ARID3A: variants seen among roughly 807,000 people sequenced by gnomAD.
ARID3A encodes AT-rich interactive domain-containing protein 3A.
In ARID3A, 11 loss-of-function variants were observed where a neutral mutation model predicts 52.7. The observed-to-expected ratio is 0.21, with a 90% confidence interval of 0.13 to 0.35. ARID3A has a LOEUF of 0.35. Ranked by LOEUF, ARID3A falls within the 10% of genes least tolerant of loss-of-function variation. The probability of loss-of-function intolerance (pLI) is 1.00; values close to 1 mark genes in which losing one functional copy is unlikely to be tolerated. For synonymous variants in ARID3A, 404 were observed against 359.4 expected (o/e 1.12, Z -1.40); for missense variants, 721 against 838.5 (o/e 0.86, Z 1.73).
upstream of ARID3A, chr19:925,743 T>C (rs553816665): frequency 2.0e-5 from 3 of 152,010 alleles, no homozygotes; most frequent in East Asian, 5.9e-4. Context: ...TTATTTATTA[T>C]CCTTTAAAGG....
In ARID3A at chr19:973,410, G is replaced by C. The variant is rs529333545; in HGVS notation, c.*1345G>C. On this transcript the variant is annotated 3_prime_UTR_variant, in exon 9 of 9. Coordinates refer to ENST00000263620, the MANE Select transcript of ARID3A (RefSeq NM_005224.3). The stretch of plus-strand genomic sequence containing the variant: ...ATTACAGGCATGAGCCGCCACGCTG[G>C]CCCGGTCTGGAAATCTTATCTAAAA... The C allele has an allele frequency of 2.1e-4, 40 of 193,556 alleles. No homozygotes were observed. Among genetic ancestry groups the C allele is most frequent in the African/African-American group, 9.0e-4 (39 of 43,166 alleles). The allele number at this position is 193,556 out of a possible 1,614,324, so 12.0% of individuals were successfully genotyped here. A position where few individuals can be genotyped will look rare whatever the true frequency, so the allele number is the denominator to read the frequency against.
At position 974,754 on chromosome 19, in the gene ARID3A, A is replaced by C; in HGVS notation, c.*2689A>C. 8.8e-6 allele frequency: 2 copies of C among 227,050 alleles called. No individual in the cohort carries two copies. Among genetic ancestry groups the C allele is most frequent in the East Asian group, 6.2e-5 (1 of 16,002 alleles). 14.1% of individuals were successfully genotyped at this position (227,050 alleles called of 1,614,324 possible). On this transcript the variant is annotated 3_prime_UTR_variant, in exon 9 of 9. Coordinates refer to ENST00000263620, the MANE Select transcript of ARID3A (RefSeq NM_005224.3). ...CTCGGGCTGCGTGTGTGTGTCGGGA[A>C]TCCTGCGTGTCGTGTCTGTGGGCGA... is the stretch of plus-strand genomic sequence containing the variant.
chr19:932,829 T>C, intron 3 of ARID3A, 87 bp downstream of exon 3: 1 of 1,510,346 alleles, frequency 6.6e-7, no homozygotes, highest in Non-Finnish European at 8.8e-7. Flanking sequence ...ACGGGGTGTG[T>C]GCTGAGCCGG....
intron 8 of ARID3A, among the ~76,000 whole-genome samples, chr19:970,845 A>G (rs2038264174): frequency 6.6e-6 from 1 of 152,090 alleles, no homozygotes. Flanking sequence ...CGCTGTCGAC[A>G]CAGAGCAGCC....
chr19:966,380 C>T (rs2038153786), intron 6 of ARID3A, among the ~76,000 whole-genome samples, 192 bp from the exon 7 acceptor site: 1 of 150,882 alleles, frequency 6.6e-6, no homozygotes, highest in African/African-American at 2.4e-5. Flanking sequence ...ATCACTTGAA[C>T]CCGGGAGGCA....
rs1281327391 is a variant in ARID3A at position 975,434 on chromosome 19, T to C, written c.*3369T>C. 4.3e-6 allele frequency: 1 copy of C among 230,916 alleles called. No homozygotes were observed. The highest frequency in any genetic ancestry group is 8.6e-6 in the Non-Finnish European group (1 of 116,574). The allele number at this position is 230,916 out of a possible 1,614,324, so 14.3% of individuals were successfully genotyped here. A position where few individuals can be genotyped will look rare whatever the true frequency, so the allele number is the denominator to read the frequency against. The stretch of plus-strand genomic sequence containing the variant: ...CAGTTGAATTTCCTTTCTCTTATCA[T>C]GTTTTACCCACCTTGTCCCTTTTTT... On this transcript the variant is annotated 3_prime_UTR_variant, in exon 9 of 9. Transcript: ENST00000263620.
chr19:968,577 G>T, intron 8 of ARID3A, 74 bp downstream of exon 8: 2 of 1,428,432 alleles, frequency 1.4e-6, no homozygotes, highest in Non-Finnish European at 2.0e-6. Flanking sequence ...CCTGAGTTGC[G>T]CCTGGTCCCA....
intron 3 of ARID3A, among the ~76,000 whole-genome samples, chr19:937,503 A>T (rs2037461180): frequency 1.3e-5 from 2 of 151,922 alleles, no homozygotes; most frequent in Admixed American, 1.3e-4. Context: ...AGTGCTGTAC[A>T]CGTTTTTATG....
chr19:970,771 C>T (rs918618349), intron 8 of ARID3A, among the ~76,000 whole-genome samples: 2 of 151,908 alleles, frequency 1.3e-5, no homozygotes, highest in South Asian at 2.1e-4. Flanking sequence ...CCACACCCGG[C>T]GGTAAATGAA....
At position 938,090 on chromosome 19, in the gene ARID3A, C is replaced by G. The variant is rs193054243; in HGVS notation, c.693+5348C>G. On this transcript the variant is annotated intron_variant, in intron 3 of 8. Transcript: ENST00000263620. This position sits in a 1 kb window ranked among gnomAD's most constrained non-coding sequence, Gnocchi z 4.0. ...AACTCCCAACCTCAGGTGATCCTCA[C>G]ACCTCAGCGTCCCAGAGTGCTGGGA... Among the ~76,000 whole-genome samples, 252 of 152,192 alleles carry G rather than the reference C, an allele frequency of 1.7e-3. No homozygotes were observed. The highest frequency in any genetic ancestry group is 5.5e-3 in the African/African-American group (230 of 41,512).
In ARID3A at chr19:947,964, C is replaced by T. The variant is rs552287590; in HGVS notation, c.694-12128C>T. Among the ~76,000 whole-genome samples, 41 of 152,190 alleles carry T rather than the reference C, an allele frequency of 2.7e-4. No individual in the cohort carries two copies. Among genetic ancestry groups the T allele is most frequent in the Non-Finnish European group, 5.1e-4 (35 of 68,022 alleles). The stretch of plus-strand genomic sequence containing the variant: ...GGCTTAGGCAGGCGGGGGAGCCCCC[C>T]GGCTGGTCAGGTGCACGAGGAGCAA... On this transcript the variant is annotated intron_variant, in intron 3 of 8. Coordinates refer to ENST00000263620, the MANE Select transcript of ARID3A (RefSeq NM_005224.3). The surrounding 1 kb of genome is among the most constrained non-coding windows in gnomAD (Gnocchi z 6.3).
chr19:955,002 T>G (rs952860961), intron 3 of ARID3A, among the ~76,000 whole-genome samples: 1 of 152,154 alleles, frequency 6.6e-6, no homozygotes, highest in Non-Finnish European at 1.5e-5. Flanking sequence ...ATCTCCAGCC[T>G]GGGTTTAGGG....
At chr19:936,204 T>TA (rs1283294722) in intron 3 of ARID3A, among the ~76,000 whole-genome samples, 1 of 152,244 alleles carries the variant, frequency 6.6e-6, no homozygotes, top group Non-Finnish European at 1.5e-5. Flanking sequence ...AGATGAATCT[T>TA]AAAAAACAGC....
chr19:934,684 C>T (rs773661257), intron 3 of ARID3A, among the ~76,000 whole-genome samples: 1 of 151,838 alleles, frequency 6.6e-6, no homozygotes, highest in African/African-American at 2.4e-5. Context: ...CTGGGTCTTG[C>T]GGGAGACGGG....
chr19:945,354 C>T (rs1166753528), intron 3 of ARID3A, among the ~76,000 whole-genome samples: 1 of 152,208 alleles, frequency 6.6e-6, no homozygotes, highest in Admixed American at 6.5e-5. Context: ...TCCTGTAACT[C>T]CTGTAGAGAG....
At chr19:943,722 G>T (rs569307784) in intron 3 of ARID3A, among the ~76,000 whole-genome samples, 5 of 152,336 alleles carry the variant, frequency 3.3e-5, no homozygotes, top group Non-Finnish European at 7.3e-5. Context: ...ACCCTCCCCT[G>T]GAGCCCCAGT....
At chr19:953,982 A>C (rs940251831) in intron 3 of ARID3A, among the ~76,000 whole-genome samples, 2 of 152,070 alleles carry the variant, frequency 1.3e-5, no homozygotes, top group Non-Finnish European at 2.9e-5. Flanking sequence ...CCGAGGTGGG[A>C]GGTGGAGGCT....
intron 3 of ARID3A, among the ~76,000 whole-genome samples, chr19:956,914 C>G (rs1306009224): frequency 6.6e-6 from 1 of 152,230 alleles, no homozygotes; most frequent in African/African-American, 2.4e-5. Flanking sequence ...CTTCTGGGCC[C>G]TAATGACCGA....
rs2037286075 is a variant in ARID3A at position 929,922 on chromosome 19, T to G, written c.368+26T>G. The G allele has an allele frequency of 6.5e-7, 1 of 1,536,992 alleles. No homozygotes were observed. Among genetic ancestry groups the G allele is most frequent in the African/African-American group, 1.4e-5 (1 of 72,970 alleles). On this transcript the variant is annotated intron_variant, in intron 2 of 8. Coordinates refer to ENST00000263620, the MANE Select transcript of ARID3A (RefSeq NM_005224.3). This position sits in a 1 kb window ranked among gnomAD's most constrained non-coding sequence, Gnocchi z 6.2. ...GTGAGTTGGGGTCTGGGGCAGGGCC[T>G]TCTGGGGGCTGTTACTGGCTCTGAG...
Sources: allele counts gnomAD v4.1 joint callset (sites outside exome capture counted in the v4.1 genomes callset), GRCh38; gene constraint gnomAD v4.1.1; non-coding constraint Gnocchi (gnomAD v3.1); transcripts MANE v1.5; gene names NCBI Gene and HGNC (gene_info 2026-07-23, HGNC 2026-07-21).